MAP3K5: variants seen among roughly 807,000 people sequenced by gnomAD.
MAP3K5 encodes the protein ASK-1.
MAP3K5 carries 56 observed loss-of-function variants against 158.7 expected under a neutral mutation model. The ratio of observed to expected loss-of-function variants is 0.35; its 90% CI spans 0.28 to 0.44. MAP3K5 has a LOEUF of 0.44. MAP3K5 is among the 20% of genes least tolerant of loss of function. The pLI is 1.00. For synonymous variants in MAP3K5, 579 were observed against 601.7 expected (o/e 0.96, Z 0.55); for missense variants, 1,294 against 1,674.8 (o/e 0.77, Z 3.97).
chr6:136,676,727 T>C (rs1017374064), intron 7 of MAP3K5, among the ~76,000 whole-genome samples: 8 of 152,136 alleles, frequency 5.3e-5, no homozygotes, highest in South Asian at 2.1e-4. Context: ...CATATTTACA[T>C]TCTCTAATTT....
At chr6:136,763,313 A>G (rs1783831680) in intron 1 of MAP3K5, among the ~76,000 whole-genome samples, 1 of 152,224 alleles carries the variant, frequency 6.6e-6, no homozygotes, top group South Asian at 2.1e-4. Flanking sequence ...GATTTTTACA[A>G]GATTGTTCAT....
At chr6:136,786,982 A>G (rs1014621985) in intron 1 of MAP3K5, among the ~76,000 whole-genome samples, 3 of 152,070 alleles carry the variant, frequency 2.0e-5, no homozygotes, top group African/African-American at 7.2e-5. Context: ...CTATTCGAAC[A>G]TCACTGTTTC....
chr6:136,628,578 T>C (rs556851485), intron 14 of MAP3K5, among the ~76,000 whole-genome samples: 28 of 152,292 alleles, frequency 1.8e-4, no homozygotes, highest in African/African-American at 6.3e-4. Context: ...TAAACCTTGA[T>C]GAGGCTGCTA....
chr6:136,585,442 G>T (rs1333035227), intron 23 of MAP3K5, among the ~76,000 whole-genome samples: 1 of 146,368 alleles, frequency 6.8e-6, no homozygotes, highest in African/African-American at 2.5e-5. Context: ...TCTCCTTTGA[G>T]CAAGGCATAT....
At chr6:136,755,852 G>A (rs1197845256) in intron 1 of MAP3K5, among the ~76,000 whole-genome samples, 2 of 152,096 alleles carry the variant, frequency 1.3e-5, no homozygotes, top group East Asian at 3.9e-4. Context: ...AAGAAGCAAG[G>A]AGTCAAAGAT....
At chr6:136,582,280 G>A (rs1316257767) in intron 24 of MAP3K5, among the ~76,000 whole-genome samples, 1 of 149,264 alleles carries the variant, frequency 6.7e-6, no homozygotes, top group African/African-American at 2.4e-5. Flanking sequence ...GTGTGTGTGT[G>A]TGTGTGTGTG....
At chr6:136,680,059 C>CACAA (rs1554297312) in intron 7 of MAP3K5, among the ~76,000 whole-genome samples, 1 of 152,026 alleles carries the variant, frequency 6.6e-6, no homozygotes, top group African/African-American at 2.4e-5. Context: ...GCCACACACA[C>CACAA]ACACACACAC....
intron 10 of MAP3K5, among the ~76,000 whole-genome samples, chr6:136,652,574 G>T (rs1422612313): frequency 6.6e-6 from 1 of 152,094 alleles, no homozygotes; most frequent in African/African-American, 2.4e-5. Context: ...AAACAATAGA[G>T]AATAAAAGGT....
At chr6:136,574,935 C>T (rs1021288670) in intron 25 of MAP3K5, among the ~76,000 whole-genome samples, 2 of 151,602 alleles carry the variant, frequency 1.3e-5, no homozygotes, top group African/African-American at 2.4e-5. Flanking sequence ...GTGATCCGCC[C>T]GCCTCGGCCT....
At chr6:136,600,582 G>A (rs559414840) in intron 21 of MAP3K5, among the ~76,000 whole-genome samples, 84 of 152,092 alleles carry the variant, frequency 5.5e-4, no homozygotes, top group African/African-American at 8.4e-4. Flanking sequence ...GTTATGATCC[G>A]CAAAAGCCAA....
chr6:136,653,557 G>A (rs1778612368), intron 10 of MAP3K5, among the ~76,000 whole-genome samples: 1 of 152,176 alleles, frequency 6.6e-6, no homozygotes, highest in South Asian at 2.1e-4. Flanking sequence ...CTTTCTCTAT[G>A]AGGGAGAGCA....
Position 136,697,243 on chromosome 6 carries a change from C to G in MAP3K5, c.951G>C (p.Leu317=), listed in dbSNP as rs754475410. The G allele has an allele frequency of 1.2e-6, 2 of 1,612,728 alleles. No homozygotes were observed. Among genetic ancestry groups the G allele is most frequent in the African/African-American group, 2.7e-5 (2 of 74,882 alleles). ...EVLTADIVIN[L]LLSYRDIQDY... is the part of the protein sequence containing the mutation. ...CCTGGATATCTCTGTAGGAAAGTAA[C>G]AGATTTATGACAATATCTGCTGTCA... The change falls in exon 5 of 30, where the codon CTG becomes CTC. Residue 317 remains leucine (L), a synonymous_variant. Coordinates refer to ENST00000359015, the MANE Select transcript of MAP3K5 (RefSeq NM_005923.4).
intron 2 of MAP3K5, among the ~76,000 whole-genome samples, chr6:136,711,577 G>C (rs1781309122): frequency 6.6e-6 from 1 of 151,778 alleles, no homozygotes; most frequent in Non-Finnish European, 1.5e-5. Flanking sequence ...GAGATGGGAG[G>C]ATTGCTTGAA....
chr6:136,592,703 T>C (rs950449809), intron 21 of MAP3K5, 89 bp from the exon 22 acceptor site: 3 of 1,100,760 alleles, frequency 2.7e-6, no homozygotes, highest in Non-Finnish European at 4.1e-6. Flanking sequence ...CCATATTCTT[T>C]GTCAAATATC....
intron 2 of MAP3K5, among the ~76,000 whole-genome samples, chr6:136,712,855 G>T (rs548719146): frequency 6.6e-6 from 1 of 152,162 alleles, no homozygotes; most frequent in South Asian, 2.1e-4. Flanking sequence ...CTTCCACCTG[G>T]CTCATTCTAT....
chr6:136,692,725 C>T (rs956547693), intron 7 of MAP3K5, among the ~76,000 whole-genome samples: 8 of 152,116 alleles, frequency 5.3e-5, no homozygotes, highest in African/African-American at 7.2e-5. Flanking sequence ...TGGTATATGG[C>T]GTTTTTAAGC....
chr6:136,592,654 T>TAA (rs1418318831), intron 21 of MAP3K5, 40 bp from the exon 22 acceptor site: 1 of 1,546,266 alleles, frequency 6.5e-7, no homozygotes, highest in African/African-American at 1.4e-5. Context: ...ATTGACACTT[T>TAA]AAAAAATGTA....
intron 2 of MAP3K5, among the ~76,000 whole-genome samples, chr6:136,705,587 C>T (rs1476397829): frequency 3.3e-5 from 5 of 152,124 alleles, no homozygotes; most frequent in Admixed American, 1.3e-4. Context: ...ATTACAGGTG[C>T]GAGCCACGAT....
chr6:136,651,692 A>G (rs554792882), intron 10 of MAP3K5, among the ~76,000 whole-genome samples: 15 of 152,312 alleles, frequency 9.8e-5, no homozygotes, highest in African/African-American at 3.6e-4. Context: ...GTCTTCAATA[A>G]TGATACATTT....
Sources: allele counts gnomAD v4.1 joint callset (sites outside exome capture counted in the v4.1 genomes callset), GRCh38; gene constraint gnomAD v4.1.1; transcripts MANE v1.5; gene names NCBI Gene and HGNC (gene_info 2026-07-23, HGNC 2026-07-21).